The following ADGRV1 variants were observed in gnomAD, a reference collection of about 807,000 sequenced individuals.
ADGRV1 encodes adhesion G protein-coupled receptor V1.
In ADGRV1, 359 loss-of-function variants were observed where a neutral mutation model predicts 596.2. The ratio of observed to expected loss-of-function variants is 0.60; its 90% CI spans 0.55 to 0.66. ADGRV1 has a LOEUF of 0.66. ADGRV1 is among the 30% of genes least tolerant of loss of function. The pLI, the probability that ADGRV1 is intolerant of heterozygous loss-of-function variation, is 0.00. For missense variants in ADGRV1, 7,274 were observed against 7,575.6 expected (o/e 0.96, Z 1.48); for synonymous variants, 2,681 against 2,679.2 (o/e 1.00, Z -0.02).
At position 90,763,408 on chromosome 5, in the gene ADGRV1, C is replaced by T. The variant is rs751145746; in HGVS notation, c.12224C>T (p.Thr4075Ile). ...GGKGTVRLEW[T>I]IDEKAKHNLS... ...AAAGGAACCGTCCGACTTGAGTGGA[C>T]CATAGATGAGAAGGCTAAACATAAC... The change falls in exon 59 of 90, where the codon ACC becomes ATC. Residue 4075 changes from threonine to isoleucine, a missense_variant. Around this residue, in one of 5 missense-constraint regions of ADGRV1, gnomAD observed 3,643 missense variants for 3,809.2 expected, o/e 0.96. Transcript: ENST00000405460. 1.5e-5 allele frequency: 25 copies of T among 1,613,424 alleles called. No homozygotes were observed. Among genetic ancestry groups the T allele is most frequent in the Non-Finnish European group, 2.0e-5 (24 of 1,179,630 alleles).
In ADGRV1 at chr5:90,745,267, T is replaced by A; in HGVS notation, c.10769+2T>A. The A allele has an allele frequency of 6.4e-7, 1 of 1,559,632 alleles. No homozygotes were observed. Among genetic ancestry groups the A allele is most frequent in the East Asian group, 2.3e-5 (1 of 44,430 alleles). On this transcript the variant is annotated splice_donor_variant, in intron 51 of 89. Transcript: ENST00000405460. LOFTEE classifies it high-confidence loss of function. ...CAGCCATTCTGACTTTATTCCTAGGTAGGTTCAACATTTTTTGCTAAGTAT... is the reference window on the plus strand; with the variant it reads ...CAGCCATTCTGACTTTATTCCTAGGAAGGTTCAACATTTTTTGCTAAGTAT...
intron 77 of ADGRV1, among the ~76,000 whole-genome samples, chr5:90,829,409 C>T (rs1197250131): frequency 2.0e-5 from 3 of 152,062 alleles, no homozygotes; most frequent in African/African-American, 7.2e-5. Flanking sequence ...TCTCTTTTGA[C>T]AAGATTGATT....
intron 37 of ADGRV1, among the ~76,000 whole-genome samples, chr5:90,705,976 T>G: frequency 6.6e-6 from 1 of 152,282 alleles, no homozygotes; most frequent in East Asian, 1.9e-4. Flanking sequence ...ATCATCATTT[T>G]TACCTTGTTC....
At chr5:90,822,516 GT>G (rs1561803824) in intron 75 of ADGRV1, among the ~76,000 whole-genome samples, 2 of 152,170 alleles carry the variant, frequency 1.3e-5, no homozygotes, top group Non-Finnish European at 2.9e-5. Context: ...GTACCATGCT[GT>G]TTTGGTTACT....
intron 43 of ADGRV1, among the ~76,000 whole-genome samples, chr5:90,719,147 T>A (rs1052064368): frequency 6.6e-6 from 1 of 151,982 alleles, no homozygotes; most frequent in East Asian, 1.9e-4. Flanking sequence ...CTGGCCAACA[T>A]AGTGAAACCC....
chr5:90,863,653 G>A, intron 82 of ADGRV1, 104 bp from the exon 83 acceptor site: 2 of 806,608 alleles, frequency 2.5e-6, no homozygotes, highest in Non-Finnish European at 4.4e-6. Flanking sequence ...GCAGAGGCAG[G>A]TGGCAGACCT....
chr5:90,914,318 T>C (rs1487412957), intron 83 of ADGRV1, among the ~76,000 whole-genome samples: 2 of 152,188 alleles, frequency 1.3e-5, no homozygotes, highest in African/African-American at 2.4e-5. Flanking sequence ...CTAACCTTAA[T>C]TGAAGCTTTA....
intron 77 of ADGRV1, among the ~76,000 whole-genome samples, chr5:90,831,601 G>A (rs1237438186): frequency 6.6e-6 from 1 of 151,666 alleles, no homozygotes; most frequent in Non-Finnish European, 1.5e-5. Context: ...ATTTTTAAAT[G>A]TACAATAAAT....
chr5:90,828,174 A>C (rs1427640194), intron 76 of ADGRV1, among the ~76,000 whole-genome samples: 1 of 152,222 alleles, frequency 6.6e-6, no homozygotes, highest in Non-Finnish European at 1.5e-5. Context: ...AAACATGAGC[A>C]AACTGTAACC....
chr5:90,611,142 C>A (rs924959534), intron 1 of ADGRV1, among the ~76,000 whole-genome samples: 1 of 151,760 alleles, frequency 6.6e-6, no homozygotes, highest in Non-Finnish European at 1.5e-5. Flanking sequence ...TACAGGTACA[C>A]AATATACAAA....
chr5:90,960,965 C>T (rs183899113), intron 83 of ADGRV1, among the ~76,000 whole-genome samples: 3 of 152,272 alleles, frequency 2.0e-5, no homozygotes, highest in African/African-American at 7.2e-5. Flanking sequence ...CGCTAATACT[C>T]TCATTCTCCT....
intron 85 of ADGRV1, among the ~76,000 whole-genome samples, chr5:91,059,971 T>TGTACTAAC (rs1489529460): frequency 4.0e-4 from 61 of 152,260 alleles, no homozygotes; most frequent in Non-Finnish European, 7.5e-4. Flanking sequence ...TTAGTACATT[T>TGTACTAAC]TTATGTACTA....
intron 86 of ADGRV1, among the ~76,000 whole-genome samples, chr5:91,076,169 C>T (rs930222427): frequency 6.6e-6 from 1 of 152,178 alleles, no homozygotes; most frequent in African/African-American, 2.4e-5. Flanking sequence ...GTTAATTCTC[C>T]TGGACATCAC....
At position 90,860,057 on chromosome 5, in the gene ADGRV1, C is replaced by T. The variant is rs537009101; in HGVS notation, c.17756-3700C>T. 9.9e-5 allele frequency among the ~76,000 whole-genome samples: 15 copies of T among 151,956 alleles called. No individual in the cohort carries two copies. In the South Asian group the frequency reaches 2.7e-3, roughly 27 times the overall value. On this transcript the variant is annotated intron_variant, in intron 82 of 89. Transcript: ENST00000405460. ...AGTGAGCTATGACCATGCCATTGCA[C>T]TCCAGCCTGGGAGACTGAGCAAGAC...
chr5:90,823,052 A>G (rs1763730970), intron 75 of ADGRV1, among the ~76,000 whole-genome samples: 1 of 152,176 alleles, frequency 6.6e-6, no homozygotes, highest in African/African-American at 2.4e-5. Flanking sequence ...GGTTTTCTAA[A>G]TATACAATCA....
At position 90,757,023 on chromosome 5, in the gene ADGRV1, G is replaced by A; in HGVS notation, c.11802G>A (p.Leu3934=). The A allele has an allele frequency of 6.2e-7, 1 of 1,613,744 alleles. No homozygotes were observed. The highest frequency in any genetic ancestry group is 1.1e-5 in the South Asian group (1 of 91,028). Residue 3934 remains leucine (L), a synonymous_variant, in exon 57 of 90, where the codon TTG becomes TTA. Coordinates refer to ENST00000405460, the MANE Select transcript of ADGRV1 (RefSeq NM_032119.4). ...VITAYEVPPP[L]NVLQVPVVRL... ...CTGCCTATGAGGTGCCTCCACCCTTGAACGTTCTTCAAGTTCCTGTAGTCC... is the reference window on the plus strand; with the variant it reads ...CTGCCTATGAGGTGCCTCCACCCTTAAACGTTCTTCAAGTTCCTGTAGTCC...
intron 83 of ADGRV1, among the ~76,000 whole-genome samples, chr5:90,959,213 A>C (rs1236494928): frequency 1.3e-5 from 2 of 152,176 alleles, no homozygotes; most frequent in Non-Finnish European, 2.9e-5. Flanking sequence ...AATGATCAGA[A>C]ACTAAAATTT....
At chr5:90,660,884 C>T (rs1454284468) in intron 21 of ADGRV1, among the ~76,000 whole-genome samples, 2 of 152,080 alleles carry the variant, frequency 1.3e-5, no homozygotes, top group Non-Finnish European at 2.9e-5. Context: ...TGCTATTTGG[C>T]ACATTGAAAG....
Position 90,840,926 on chromosome 5 carries a change from A to C in ADGRV1, c.16960A>C (p.Lys5654Gln). The C allele has an allele frequency of 6.6e-7, 1 of 1,516,190 alleles. No individual in the cohort carries two copies. Among genetic ancestry groups the C allele is most frequent in the Non-Finnish European group, 8.9e-7 (1 of 1,129,522 alleles). The allele number at this position is 1,516,190 out of a possible 1,614,324, so 93.9% of individuals were successfully genotyped here. A position where few individuals can be genotyped will look rare whatever the true frequency, so the allele number is the denominator to read the frequency against. Residue 5654 changes from lysine to glutamine, a missense_variant, in exon 78 of 90, where the codon AAA becomes CAA. Lys to Gln is a moderately conservative substitution (Grantham distance 53). This residue lies in a region of ADGRV1 where 1,874 missense variants were observed against 1,970.2 expected (regional missense o/e 0.95). Coordinates refer to ENST00000405460, the MANE Select transcript of ADGRV1 (RefSeq NM_032119.4). ...LNRVLHTISM[K>Q]VATENTDEQL... ...CAGAGTGCTCCATACCATCAGCATGAAAGTGGCCACAGAAAACACAGATGA... is the reference window on the plus strand; with the variant it reads ...CAGAGTGCTCCATACCATCAGCATGCAAGTGGCCACAGAAAACACAGATGA...
Sources: gnomAD v4.1 joint callset for allele counts (sites outside exome capture counted in the v4.1 genomes callset) on GRCh38, gnomAD v4.1.1 for gene constraint, gnomAD v4.1.1 regional missense constraint, MANE v1.5 for transcripts, NCBI Gene and HGNC (gene_info 2026-07-23, HGNC 2026-07-21) for gene names.